STEAP2: variants seen among roughly 807,000 people sequenced by gnomAD.
The protein encoded by STEAP2 is STEAP2 metalloreductase, also known as metalloreductase STEAP2.
STEAP2 carries 30 observed loss-of-function variants against 46.4 expected under a neutral mutation model. The ratio of observed to expected loss-of-function variants is 0.65; its 90% confidence interval spans 0.48 to 0.88. The LOEUF is 0.88. Ranked by LOEUF, STEAP2 falls within the 40% of genes least tolerant of loss-of-function variation. The pLI, the probability that STEAP2 is intolerant of heterozygous loss-of-function variation, is 0.00. For synonymous variants in STEAP2, 180 were observed against 200.5 expected (o/e 0.90, Z 0.86); for missense variants, 513 against 579.3 (o/e 0.89, Z 1.18).
intron 2 of STEAP2, among the ~76,000 whole-genome samples, chr7:90,218,001 T>C (rs17867135): frequency 2.6e-5 from 4 of 152,224 alleles, no homozygotes; most frequent in Non-Finnish European, 5.9e-5. Flanking sequence ...GGTTTTGATA[T>C]GCATTTCTCT....
At chr7:90,225,686 T>G in intron 3 of STEAP2, 112 bp downstream of exon 3, 6 of 1,216,986 alleles carry the variant, frequency 4.9e-6, no homozygotes, top group Non-Finnish European at 5.6e-6. Flanking sequence ...GATTATCATT[T>G]GAAAATTAAT....
chr7:90,233,320 C>T lies in STEAP2; in HGVS notation c.*696C>T. 1 of 982,450 alleles carries T rather than the reference C, an allele frequency of 1.0e-6. No individual in the cohort carries two copies. The highest frequency in any genetic ancestry group is 1.2e-6 in the Non-Finnish European group (1 of 827,300). 60.9% of individuals were successfully genotyped at this position (982,450 alleles called of 1,614,324 possible). ...TCTTTATTGTGTTACAGAGCAGTTTCATTTTCATATTAATATACTGATCAG... is the reference window on the plus strand; with the variant it reads ...TCTTTATTGTGTTACAGAGCAGTTTTATTTTCATATTAATATACTGATCAG... On this transcript the variant is annotated 3_prime_UTR_variant, in exon 6 of 6. Coordinates refer to ENST00000394621, the MANE Select transcript of STEAP2 (RefSeq NM_001244944.2).
In STEAP2 at chr7:90,234,352, T is replaced by C. The variant is rs2116387391; in HGVS notation, c.*1728T>C. The stretch of plus-strand genomic sequence containing the variant: ...AAGATACAATTATATGCGTTCCTCT[T>C]CCTGAAATTATAACATTTCTAAACT... On this transcript the variant is annotated 3_prime_UTR_variant, in exon 6 of 6. Coordinates refer to ENST00000394621, the MANE Select transcript of STEAP2 (RefSeq NM_001244944.2). 1.0e-6 allele frequency: 1 copy of C among 985,238 alleles called. No homozygotes were observed. The highest frequency in any genetic ancestry group is 4.7e-5 in the South Asian group (1 of 21,286). 61.0% of individuals were successfully genotyped at this position (985,238 alleles called of 1,614,324 possible). A position where few individuals can be genotyped will look rare whatever the true frequency, so the allele number is the denominator to read the frequency against.
At chr7:90,232,211 C>T in intron 5 of STEAP2, 126 bp from the exon 6 acceptor site, 1 of 1,197,242 alleles carries the variant, frequency 8.4e-7, no homozygotes, top group Middle Eastern at 3.1e-4. Context: ...CAAAGGTTAA[C>T]TTGATAATTT....
intron 4 of STEAP2, among the ~76,000 whole-genome samples, chr7:90,227,749 C>T (rs1025902715): frequency 2.0e-5 from 3 of 152,090 alleles, no homozygotes; most frequent in Admixed American, 2.0e-4. Context: ...GTTGGGTTCT[C>T]CCCCTTTTTC....
Position 90,225,196 on chromosome 7 carries a change from T to G in STEAP2, c.114T>G (p.Ser38Arg). 1 of 1,614,016 alleles carries G rather than the reference T, an allele frequency of 6.2e-7. No individual in the cohort carries two copies. Among genetic ancestry groups the G allele is most frequent in the Non-Finnish European group, 8.5e-7 (1 of 1,179,936 alleles). ...AGGTCACTGTAGGTGTGATTGGAAG[T>G]GGAGATTTTGCCAAATCCTTGACCA... ...ARKVTVGVIG[S>R]GDFAKSLTIR... Residue 38 changes from serine to arginine, a missense_variant, in exon 3 of 6, where the codon AGT becomes AGG. Ser to Arg is a moderately radical substitution (Grantham distance 110, BLOSUM62 -1). Coordinates refer to ENST00000394621, the MANE Select transcript of STEAP2 (RefSeq NM_001244944.2).
intron 5 of STEAP2, among the ~76,000 whole-genome samples, chr7:90,231,167 A>G (rs1795725985): frequency 6.6e-6 from 1 of 151,910 alleles, no homozygotes. Flanking sequence ...AATTTAGCGA[A>G]CTAAAGAATG....
chr7:90,227,336 C>T lies in STEAP2; in HGVS notation c.858C>T (p.Thr286=). The change falls in exon 4 of 6, where the codon ACC becomes ACT. Residue 286 remains threonine (T), a synonymous_variant. Coordinates refer to ENST00000394621, the MANE Select transcript of STEAP2 (RefSeq NM_001244944.2). The part of the protein sequence containing the change: ...LAAAYQLYYG[T]KYRRFPPWLE... ...CTGCTTATCAACTTTATTACGGCAC[C>T]AAGTATAGGAGATTTCCACCTTGGT... 6.2e-7 allele frequency: 1 copy of T among 1,613,878 alleles called. No homozygotes were observed. Among genetic ancestry groups the T allele is most frequent in the Non-Finnish European group, 8.5e-7 (1 of 1,179,854 alleles).
In STEAP2 at chr7:90,234,177, A is replaced by G. The variant is rs937728487; in HGVS notation, c.*1553A>G. On this transcript the variant is annotated 3_prime_UTR_variant, in exon 6 of 6. Coordinates refer to ENST00000394621, the MANE Select transcript of STEAP2 (RefSeq NM_001244944.2). ...AGGGTAAGTGGCTAATTATAAATCT[A>G]CTCTAGAGACATATAATCATACAGA... The G allele has an allele frequency of 8.1e-6, 8 of 985,012 alleles. No individual in the cohort carries two copies. In the African/African-American group the frequency reaches 1.4e-4, roughly 17 times the overall value. 61.0% of individuals were successfully genotyped at this position (985,012 alleles called of 1,614,324 possible). A position where few individuals can be genotyped will look rare whatever the true frequency, so the allele number is the denominator to read the frequency against.
In STEAP2 at chr7:90,233,899, A is replaced by G. The variant is rs891107371; in HGVS notation, c.*1275A>G. 1.2e-4 allele frequency: 120 copies of G among 984,612 alleles called. No individual in the cohort carries two copies. Among genetic ancestry groups the G allele is most frequent in the Middle Eastern group, 1.0e-3 (2 of 1,934 alleles). 61.0% of individuals were successfully genotyped at this position (984,612 alleles called of 1,614,324 possible). A position where few individuals can be genotyped will look rare whatever the true frequency, so the allele number is the denominator to read the frequency against. ...ATGTATAAAAATATTATTATAATAA[A>G]CTTATTACTGCTTGTAGGGTAATTC... On this transcript the variant is annotated 3_prime_UTR_variant, in exon 6 of 6. Transcript: ENST00000394621.
intron 2 of STEAP2, among the ~76,000 whole-genome samples, chr7:90,221,855 A>G (rs936134957): frequency 2.0e-5 from 3 of 152,228 alleles, no homozygotes; most frequent in African/African-American, 4.8e-5. Flanking sequence ...TGATTTACAG[A>G]AGGGATTTGA....
chr7:90,215,656 T>C (rs960863294), intron 1 of STEAP2: 1 of 152,224 alleles, frequency 6.6e-6, no homozygotes, highest in Non-Finnish European at 1.5e-5. Flanking sequence ...TATAACCTAT[T>C]TGTTTGCTGT....
At chr7:90,241,171 TAC>T (rs66565009), downstream of STEAP2, among the ~76,000 whole-genome samples, 47 of 149,974 alleles carry the variant, frequency 3.1e-4, no homozygotes, top group Middle Eastern at 3.5e-3. Context: ...CACATAAACA[TAC>T]ACACACACAC....
chr7:90,226,967 A>T lies in STEAP2; in HGVS notation c.493-4A>T. 2 of 1,554,126 alleles carry T rather than the reference A, an allele frequency of 1.3e-6. No individual in the cohort carries two copies. Among genetic ancestry groups the T allele is most frequent in the Admixed American group, 2.1e-5 (1 of 47,548 alleles). On this transcript the variant is annotated splice_region_variant and splice_polypyrimidine_tract_variant and intron_variant, in intron 3 of 5. Coordinates refer to ENST00000394621, the MANE Select transcript of STEAP2 (RefSeq NM_001244944.2). ...AATGCTGAGTCTTTTTGTTTTTTCC[A>T]CAGGTTTATATATGCAGCAACAATA...
At chr7:90,213,528 T>G (rs1794898501) in intron 1 of STEAP2, among the ~76,000 whole-genome samples, 2 of 152,300 alleles carry the variant, frequency 1.3e-5, no homozygotes, top group South Asian at 4.1e-4. Flanking sequence ...ATAACATTGA[T>G]AAATCACCTA....
rs933434937 is a variant in STEAP2 at position 90,213,133 on chromosome 7, T to G, written c.-147+1088T>G. 3.3e-5 allele frequency among the ~76,000 whole-genome samples: 5 copies of G among 152,216 alleles called. No individual in the cohort carries two copies. The East Asian group carries it at 9.7e-4, about 29-fold the overall frequency. ...TAAAGAGTAACTATGTGTGCTGCCA[T>G]TGGGATGGCTGCACTCTCTGCCTCT... On this transcript the variant is annotated intron_variant, in intron 1 of 5. Coordinates refer to ENST00000394621, the MANE Select transcript of STEAP2 (RefSeq NM_001244944.2).
downstream of STEAP2, among the ~76,000 whole-genome samples, chr7:90,239,744 G>A (rs889372847): frequency 6.6e-6 from 1 of 151,836 alleles, no homozygotes; most frequent in Non-Finnish European, 1.5e-5. Flanking sequence ...CACTAAACAC[G>A]AGTAGTTCCT....
chr7:90,217,727 CAT>C (rs1378099549), intron 2 of STEAP2, among the ~76,000 whole-genome samples: 40 of 79,830 alleles, frequency 5.0e-4, no homozygotes, highest in African/African-American at 1.1e-3. Context: ...AAAAAAAAAA[CAT>C]GTGAGGACGG....
rs1795821335 is a variant in STEAP2, at chr7:90,232,905, G to A, written c.*281G>A. 8 of 1,038,638 alleles carry A rather than the reference G, an allele frequency of 7.7e-6. No homozygotes were observed. Among genetic ancestry groups the A allele is most frequent in the South Asian group, 8.9e-5 (2 of 22,590 alleles). The allele number at this position is 1,038,638 out of a possible 1,614,324, so 64.3% of individuals were successfully genotyped here. A position where few individuals can be genotyped will look rare whatever the true frequency, so the allele number is the denominator to read the frequency against. On this transcript the variant is annotated 3_prime_UTR_variant, in exon 6 of 6. Coordinates refer to ENST00000394621, the MANE Select transcript of STEAP2 (RefSeq NM_001244944.2). ...GTTGTTACTTTATATTTCATAATCA[G>A]GCAAAAATACTTACAGTTAATAATA...
Sources: allele counts gnomAD v4.1 joint callset (sites outside exome capture counted in the v4.1 genomes callset), GRCh38; gene constraint gnomAD v4.1.1; transcripts MANE v1.5; gene names NCBI Gene and HGNC (gene_info 2026-07-23, HGNC 2026-07-21).